The following PLEKHA5 variants were observed in gnomAD, a reference collection of about 807,000 sequenced individuals.
PLEKHA5 encodes the protein pleckstrin homology domain-containing family A member 5.
In PLEKHA5, 55 loss-of-function variants were observed where a neutral mutation model predicts 181.9. That is an observed-to-expected ratio of 0.30 (90% CI 0.24 to 0.38). The LOEUF is 0.38. Ranked by LOEUF, PLEKHA5 falls within the 10% of genes least tolerant of loss-of-function variation. The pLI is 1.00. For missense variants in PLEKHA5, 1,432 were observed against 1,549.5 expected (o/e 0.92, Z 1.27); for synonymous variants, 535 against 529.4 (o/e 1.01, Z -0.15).
At chr12:19,255,220 C>T (rs972596165) in intron 5 of PLEKHA5, 55 bp downstream of exon 5, 30 of 1,073,450 alleles carry the variant, frequency 2.8e-5, no homozygotes, top group Admixed American at 1.0e-4. Context: ...GTATCTATAC[C>T]GTTACTCATA....
chr12:19,354,743 A>C (rs1304115345), intron 26 of PLEKHA5, among the ~76,000 whole-genome samples: 2 of 152,076 alleles, frequency 1.3e-5, no homozygotes, highest in Non-Finnish European at 1.5e-5. Flanking sequence ...CGGCCTCCCA[A>C]ACTGCTGGGA....
chr12:19,217,503 A>G (rs543990612), intron 3 of PLEKHA5, among the ~76,000 whole-genome samples: 2 of 152,344 alleles, frequency 1.3e-5, no homozygotes, highest in East Asian at 3.9e-4. Flanking sequence ...CACTATGCCA[A>G]TTGTGGGATA....
intron 3 of PLEKHA5, among the ~76,000 whole-genome samples, chr12:19,199,760 C>G (rs2053755650): frequency 6.6e-6 from 1 of 152,088 alleles, no homozygotes; most frequent in Non-Finnish European, 1.5e-5. Context: ...CTGTGTGTAG[C>G]TGATTCTATA....
intron 26 of PLEKHA5, among the ~76,000 whole-genome samples, chr12:19,356,246 AGCTC>A (rs2094922201): frequency 1.3e-5 from 2 of 152,100 alleles, no homozygotes; most frequent in East Asian, 3.9e-4. Context: ...CAGGCATAGT[AGCTC>A]ATACCTATAA....
intron 3 of PLEKHA5, among the ~76,000 whole-genome samples, chr12:19,203,433 A>C (rs528724882): frequency 1.3e-3 from 191 of 151,990 alleles, no homozygotes; most frequent in Middle Eastern, 3.4e-3. Context: ...TAGTATTCGC[A>C]TTGTCAATAC....
chr12:19,207,379 G>C (rs1182461545), intron 3 of PLEKHA5: 1 of 152,098 alleles, frequency 6.6e-6, no homozygotes, highest in East Asian at 1.9e-4. Context: ...GAAGAATACA[G>C]AAAGAAAAAT....
intron 3 of PLEKHA5, among the ~76,000 whole-genome samples, chr12:19,237,785 C>A (rs889226002): frequency 6.6e-6 from 1 of 151,706 alleles, no homozygotes; most frequent in African/African-American, 2.4e-5. Flanking sequence ...AATATCAATT[C>A]ATGTTTCTTT....
In PLEKHA5 at chr12:19,274,823, G is replaced by A. The variant is rs772807720; in HGVS notation, c.1153G>A (p.Val385Ile). Residue 385 changes from valine to isoleucine, a missense_variant, in exon 11 of 32, where the codon GTC (valine) becomes ATC (isoleucine). Around this residue, in one of 2 missense-constraint regions of PLEKHA5, gnomAD observed 1,143 missense variants for 1,168.4 expected, o/e 0.98. Coordinates refer to ENST00000429027, the MANE Select transcript of PLEKHA5 (RefSeq NM_001256470.2). ...INLSSSENKIVNVSLADLRGG... is the reference protein window; with the variant it reads ...INLSSSENKIINVSLADLRGG... ...CTTGAGCAGTTCAGAGAACAAAATA[G>A]TCAATGTTAGCCTGGCAGATCTTAG... 1.9e-6 allele frequency: 3 copies of A among 1,614,054 alleles called. No individual in the cohort carries two copies. The highest frequency in any genetic ancestry group is 1.7e-5 in the Admixed American group (1 of 60,004).
At chr12:19,351,110 A>C (rs1287983554) in intron 25 of PLEKHA5, among the ~76,000 whole-genome samples, 1 of 151,830 alleles carries the variant, frequency 6.6e-6, no homozygotes, top group Non-Finnish European at 1.5e-5. Context: ...TAATTTTTGT[A>C]TTTATTGTAG....
chr12:19,301,131 C>G (rs960305824), intron 15 of PLEKHA5, among the ~76,000 whole-genome samples: 4 of 152,132 alleles, frequency 2.6e-5, no homozygotes, highest in African/African-American at 9.6e-5. Context: ...GCCTGGGCAA[C>G]AAGAGCGAAA....
chr12:19,361,953 C>T (rs565797736), intron 29 of PLEKHA5, among the ~76,000 whole-genome samples: 1 of 152,050 alleles, frequency 6.6e-6, no homozygotes, highest in South Asian at 2.1e-4. Context: ...GGAGGATCAC[C>T]TGAGCCCAGG....
chr12:19,323,300 A>G (rs1033474550), intron 20 of PLEKHA5, among the ~76,000 whole-genome samples: 1 of 152,068 alleles, frequency 6.6e-6, no homozygotes, highest in African/African-American at 2.4e-5. Context: ...AGGTGGGTGG[A>G]TCACCTGAAG....
chr12:19,134,996 G>A (rs1262501659), intron 3 of PLEKHA5, among the ~76,000 whole-genome samples: 1 of 152,080 alleles, frequency 6.6e-6, no homozygotes, highest in Non-Finnish European at 1.5e-5. Context: ...GGGTTATCGG[G>A]GTGGATTTTG....
chr12:19,236,460 T>C (rs2061423674), intron 3 of PLEKHA5, among the ~76,000 whole-genome samples: 1 of 152,150 alleles, frequency 6.6e-6, no homozygotes, highest in African/African-American at 2.4e-5. Context: ...TGAGCAACCA[T>C]CATCATCGTT....
chr12:19,276,227 GGA>G (rs975458978), intron 11 of PLEKHA5, among the ~76,000 whole-genome samples: 1 of 152,164 alleles, frequency 6.6e-6, no homozygotes, highest in African/African-American at 2.4e-5. Context: ...ACATAAGCTA[GGA>G]GAGAGAGATT....
At chr12:19,336,430 T>TA in intron 20 of PLEKHA5, 85 bp from the exon 21 acceptor site, 1 of 728,440 alleles carries the variant, frequency 1.4e-6, no homozygotes, top group Non-Finnish European at 2.3e-6. Context: ...TATGACTTTC[T>TA]AAAATCTAGA....
chr12:19,322,351 T>C lies in PLEKHA5; in HGVS notation c.2259T>C (p.His753=), dbSNP rs201375150. The C allele has an allele frequency of 1.9e-6, 3 of 1,613,678 alleles. No individual in the cohort carries two copies. The East Asian group carries it at 6.7e-5, about 36-fold the overall frequency. ...TATGTGAACAAGATAAAGTGGTGCA[T>C]GCTCTGGAAGAGAAACTTCAGCAAC... The part of the protein sequence containing the change: ...SRLCEQDKVV[H]ALEEKLQQLH... The change falls in exon 19 of 32, where the codon CAT becomes CAC. Residue 753 remains histidine, a synonymous_variant. Transcript: ENST00000429027.
intron 20 of PLEKHA5, among the ~76,000 whole-genome samples, chr12:19,332,608 C>G (rs1479922444): frequency 1.3e-5 from 2 of 152,184 alleles, no homozygotes; most frequent in African/African-American, 4.8e-5. Flanking sequence ...TCCCCCTGCC[C>G]AGTCTCCTGA....
At chr12:19,333,796 AG>A (rs1662640884) in intron 20 of PLEKHA5, among the ~76,000 whole-genome samples, 1 of 151,762 alleles carries the variant, frequency 6.6e-6, no homozygotes, top group Non-Finnish European at 1.5e-5. Context: ...TTTTTAGTAG[AG>A]ACAGGGTTTC....
Sources: gnomAD v4.1 joint callset for allele counts (sites outside exome capture counted in the v4.1 genomes callset) on GRCh38, gnomAD v4.1.1 for gene constraint, gnomAD v4.1.1 regional missense constraint, MANE v1.5 for transcripts, NCBI Gene and HGNC (gene_info 2026-07-23, HGNC 2026-07-21) for gene names.